RPA1: variants seen among roughly 807,000 people sequenced by gnomAD.
RPA1 encodes the protein replication protein A 70 kDa DNA-binding subunit.
A neutral mutation model predicts 83.0 loss-of-function variants in RPA1; 49 were observed. That is an observed-to-expected ratio of 0.59 (90% CI 0.47 to 0.75). The LOEUF is 0.75. Among genes scored for constraint, RPA1 ranks in the 30% least tolerant of loss-of-function variants. The probability of loss-of-function intolerance (pLI) is 0.00; values close to 1 mark genes in which losing one functional copy is unlikely to be tolerated. For synonymous variants in RPA1, 279 were observed against 281.8 expected (o/e 0.99, Z 0.10); for missense variants, 693 against 776.1 (o/e 0.89, Z 1.27).
At chr17:1,864,339 C>G (rs1348513982) in intron 5 of RPA1, among the ~76,000 whole-genome samples, 1 of 152,072 alleles carries the variant, frequency 6.6e-6, no homozygotes, top group Non-Finnish European at 1.5e-5. Flanking sequence ...GAGTTTGAGA[C>G]CAGCCTGGCC....
At chr17:1,852,750 CT>C in intron 4 of RPA1, among the ~76,000 whole-genome samples, 1 of 152,316 alleles carries the variant, frequency 6.6e-6, no homozygotes, top group Non-Finnish European at 1.5e-5. Flanking sequence ...TTGGTTTTCA[CT>C]GGGAAAAAGT....
chr17:1,852,951 G>A, intron 4 of RPA1, 150 bp from the exon 5 acceptor site: 1 of 635,314 alleles, frequency 1.6e-6, no homozygotes, highest in South Asian at 1.9e-5. Flanking sequence ...TGATAATGAT[G>A]CGGCGAAAGA....
chr17:1,882,905 G>A lies in RPA1; in HGVS notation c.1242-907G>A, dbSNP rs1913850323. ...CTGATTTTAGGCCTGGGGTGGTCTG[G>A]CCACTGCCAATATGCAAGGCTAGTT... On this transcript the variant is annotated intron_variant, in intron 12 of 16. Coordinates refer to ENST00000254719, the MANE Select transcript of RPA1 (RefSeq NM_002945.5). Among the ~76,000 whole-genome samples, 4 of 152,164 alleles carry A rather than the reference G, an allele frequency of 2.6e-5. No individual in the cohort carries two copies. The South Asian group carries it at 8.3e-4, about 32-fold the overall frequency.
intron 5 of RPA1, among the ~76,000 whole-genome samples, chr17:1,870,916 C>T (rs1172060878): frequency 6.6e-6 from 1 of 152,190 alleles, no homozygotes; most frequent in African/African-American, 2.4e-5. Context: ...TGAATGTTTA[C>T]ATCTTTATTC....
intron 5 of RPA1, among the ~76,000 whole-genome samples, chr17:1,860,684 T>C (rs569296267): frequency 6.6e-6 from 1 of 152,238 alleles, no homozygotes; most frequent in South Asian, 2.1e-4. Context: ...CTGGTGTCTG[T>C]GTTAGGTCCG....
intron 15 of RPA1, among the ~76,000 whole-genome samples, chr17:1,893,948 A>G (rs1597462906): frequency 6.6e-6 from 1 of 150,494 alleles, no homozygotes; most frequent in Non-Finnish European, 1.5e-5. Context: ...GCAGCTTCAA[A>G]CTCTTGGGCT....
chr17:1,845,249 T>C (rs572189185), intron 4 of RPA1, among the ~76,000 whole-genome samples: 2 of 151,252 alleles, frequency 1.3e-5, no homozygotes, highest in Non-Finnish European at 2.9e-5. Flanking sequence ...TAGAATACAT[T>C]GAACCACATG....
intron 13 of RPA1, among the ~76,000 whole-genome samples, chr17:1,886,390 A>G (rs529783815): frequency 1.3e-5 from 2 of 152,362 alleles, no homozygotes; most frequent in South Asian, 4.1e-4. Context: ...TTCACCTTAT[A>G]GTCCCCAGCT....
At chr17:1,875,927 T>C in intron 7 of RPA1, 134 bp downstream of exon 7, 13 of 754,984 alleles carry the variant, frequency 1.7e-5, no homozygotes, top group Middle Eastern at 3.2e-4. Flanking sequence ...TTACTCTTTT[T>C]TTTTTTTTTT....
chr17:1,888,936 A>G, intron 14 of RPA1, 85 bp downstream of exon 14: 2 of 1,408,466 alleles, frequency 1.4e-6, no homozygotes, highest in South Asian at 1.4e-5. Context: ...AACAGTAGAG[A>G]CAAAGCATTC....
At chr17:1,838,498 G>T (rs113284054) in intron 1 of RPA1, among the ~76,000 whole-genome samples, 140 of 151,692 alleles carry the variant, frequency 9.2e-4, no homozygotes, top group African/African-American at 3.2e-3. Context: ...AGCTACTCAG[G>T]AGGCTGAGTC....
At position 1,879,073 on chromosome 17, in the gene RPA1, C is replaced by T. The variant is rs1235600307; in HGVS notation, c.759+12C>T. ...TTGAAGTGAACAAGGTATGGCCGTG[C>T]TGACTTTAGAACTGACACCGCCTGG... On this transcript the variant is annotated intron_variant, in intron 9 of 16. Transcript: ENST00000254719. The T allele has an allele frequency of 6.2e-7, 1 of 1,613,930 alleles. No individual in the cohort carries two copies. Among genetic ancestry groups the T allele is most frequent in the Non-Finnish European group, 8.5e-7 (1 of 1,179,928 alleles).
At chr17:1,863,697 T>C (rs566126022) in intron 5 of RPA1, among the ~76,000 whole-genome samples, 1 of 152,220 alleles carries the variant, frequency 6.6e-6, no homozygotes, top group African/African-American at 2.4e-5. Flanking sequence ...AGTTTTTCTA[T>C]GAAACATATC....
chr17:1,843,962 C>A lies in RPA1; in HGVS notation c.127C>A (p.Arg43=). 6.2e-7 allele frequency: 1 copy of A among 1,613,918 alleles called. No individual in the cohort carries two copies. The highest frequency in any genetic ancestry group is 8.5e-7 in the Non-Finnish European group (1 of 1,179,932). The part of the protein sequence containing the change: ...ITTGNSPPRY[R]LLMSDGLNTL... ...TACGGGGAATAGTCCGCCGCGTTATCGACTGCTCATGAGTGATGGATTGAA... is the reference window on the plus strand; with the variant it reads ...TACGGGGAATAGTCCGCCGCGTTATAGACTGCTCATGAGTGATGGATTGAA... The change falls in exon 3 of 17, where the codon CGA becomes AGA. Residue 43 remains arginine, a synonymous_variant. Coordinates refer to ENST00000254719, the MANE Select transcript of RPA1 (RefSeq NM_002945.5).
chr17:1,838,268 G>A (rs1434673446), intron 1 of RPA1, among the ~76,000 whole-genome samples: 2 of 151,462 alleles, frequency 1.3e-5, no homozygotes, highest in South Asian at 2.1e-4. Flanking sequence ...TCCAGCCTGG[G>A]CAACAGAGCA....
At position 1,898,284 on chromosome 17, in the gene RPA1, GCTGATGATCTGGCA is replaced by G; in HGVS notation, c.*1112_*1125del. 6.6e-6 allele frequency: 1 copy of G among 152,320 alleles called. No homozygotes were observed. The highest frequency in any genetic ancestry group is 2.1e-4 in the South Asian group (1 of 4,826). The allele number at this position is 152,320 out of a possible 1,614,324, so 9.4% of individuals were successfully genotyped here. ...ACAAAAAGCCATTTTGCCTGAGGAT[GCTGATGATCTGGCA>G]CTTGGGATTTTATTGATGTTTACGC... On this transcript the variant is annotated 3_prime_UTR_variant, in exon 17 of 17. Coordinates refer to ENST00000254719, the MANE Select transcript of RPA1 (RefSeq NM_002945.5).
At chr17:1,830,599 T>A (rs2151262577) in intron 1 of RPA1, 1 of 154,812 alleles carries the variant, frequency 6.5e-6, no homozygotes, top group Non-Finnish European at 1.4e-5. Context: ...TTACCTGAGT[T>A]CTCAGCAGCG....
chr17:1,872,538 C>T lies in RPA1; in HGVS notation c.454+12C>T. 1.2e-6 allele frequency: 2 copies of T among 1,613,038 alleles called. No individual in the cohort carries two copies. Among genetic ancestry groups the T allele is most frequent in the South Asian group, 1.1e-5 (1 of 90,846 alleles). On this transcript the variant is annotated intron_variant, in intron 6 of 16. Coordinates refer to ENST00000254719, the MANE Select transcript of RPA1 (RefSeq NM_002945.5). Reference sequence around the variant, plus strand: ...AAGCTCGGGAATGGGTGAGATGCCTCACGGGGCGTGCGCTGACCAGGGGTG... The same window carrying T: ...AAGCTCGGGAATGGGTGAGATGCCTTACGGGGCGTGCGCTGACCAGGGGTG...
chr17:1,830,233 A>C, intron 1 of RPA1, 107 bp downstream of exon 1: 28 of 199,136 alleles, frequency 1.4e-4, no homozygotes, highest in South Asian at 2.2e-4. Context: ...GATGAACGCG[A>C]GGGGAGGAGA....
Sources: gnomAD v4.1 joint callset for allele counts (sites outside exome capture counted in the v4.1 genomes callset) on GRCh38, gnomAD v4.1.1 for gene constraint, MANE v1.5 for transcripts, NCBI Gene and HGNC (gene_info 2026-07-23, HGNC 2026-07-21) for gene names.